OPCML: variants seen among roughly 807,000 people sequenced by gnomAD.
OPCML encodes the protein opioid binding protein/cell adhesion molecule like.
OPCML carries 13 observed loss-of-function variants against 37.8 expected under a neutral mutation model. The ratio of observed to expected loss-of-function variants is 0.34; its 90% CI spans 0.22 to 0.55. OPCML has a LOEUF of 0.55. Among genes scored for constraint, OPCML ranks in the 20% least tolerant of loss-of-function variants. The pLI, the probability that OPCML is intolerant of heterozygous loss-of-function variation, is 0.91. For synonymous variants in OPCML, 176 were observed against 168.8 expected (o/e 1.04, Z -0.33); for missense variants, 341 against 435.6 (o/e 0.78, Z 1.93).
chr11:132,965,604 C>T (rs1219327907), intron 1 of OPCML, among the ~76,000 whole-genome samples: 1 of 152,150 alleles, frequency 6.6e-6, no homozygotes, highest in Non-Finnish European at 1.5e-5. Flanking sequence ...GTGATCTTGG[C>T]TCACTGCAAT....
intron 1 of OPCML, among the ~76,000 whole-genome samples, chr11:133,161,671 CTGTAT>C: frequency 6.6e-6 from 1 of 152,242 alleles, no homozygotes; most frequent in East Asian, 1.9e-4. Context: ...GAAATATATA[CTGTAT>C]TGTAATTTGA....
chr11:132,491,739 A>G (rs1474721445), intron 4 of OPCML, among the ~76,000 whole-genome samples: 3 of 152,244 alleles, frequency 2.0e-5, no homozygotes, highest in African/African-American at 7.2e-5. Flanking sequence ...GCCAAGATAC[A>G]CAAAGGTCCT....
At chr11:133,411,868 A>G (rs557841429) in intron 1 of OPCML, among the ~76,000 whole-genome samples, 1 of 152,252 alleles carries the variant, frequency 6.6e-6, no homozygotes, top group Admixed American at 6.5e-5. Context: ...ACTGAACATC[A>G]TGGATTTGCA....
At chr11:132,865,092 T>C (rs1384917232) in intron 2 of OPCML, among the ~76,000 whole-genome samples, 1 of 152,248 alleles carries the variant, frequency 6.6e-6, no homozygotes, top group Non-Finnish European at 1.5e-5. Context: ...AGGCAGGTCA[T>C]TCTTTTTTCC....
intron 4 of OPCML, among the ~76,000 whole-genome samples, chr11:132,453,704 G>A (rs1029685139): frequency 5.9e-5 from 9 of 152,208 alleles, no homozygotes; most frequent in Non-Finnish European, 1.3e-4. Flanking sequence ...AGCTGGTTGG[G>A]CGTGGGGCTG....
intron 2 of OPCML, among the ~76,000 whole-genome samples, chr11:132,807,951 A>G (rs1280069153): frequency 1.3e-5 from 2 of 152,244 alleles, no homozygotes; most frequent in South Asian, 2.1e-4. Context: ...AGATATTACA[A>G]TGAAAGAAAT....
chr11:133,375,515 A>G (rs1944783308), intron 1 of OPCML, among the ~76,000 whole-genome samples: 2 of 152,202 alleles, frequency 1.3e-5, no homozygotes, highest in Admixed American at 1.3e-4. Context: ...CTTGAGAACT[A>G]AGCTAAGAAA....
At chr11:132,528,165 A>G (rs1269193271) in intron 4 of OPCML, among the ~76,000 whole-genome samples, 1 of 151,042 alleles carries the variant, frequency 6.6e-6, no homozygotes, top group Non-Finnish European at 1.5e-5. Flanking sequence ...TGTTACGGTT[A>G]GGGCTTTTCT....
intron 1 of OPCML, among the ~76,000 whole-genome samples, chr11:133,185,541 A>G (rs1021338164): frequency 4.6e-5 from 7 of 152,224 alleles, no homozygotes; most frequent in African/African-American, 1.4e-4. Context: ...TGAAGAACTT[A>G]GAGAACACTT....
intron 1 of OPCML, among the ~76,000 whole-genome samples, chr11:133,481,923 A>G (rs1947380336): frequency 6.6e-6 from 1 of 152,108 alleles, no homozygotes; most frequent in African/African-American, 2.4e-5. Context: ...TTTCTAGGAG[A>G]TGAGAGAGGA....
intron 1 of OPCML, among the ~76,000 whole-genome samples, chr11:133,315,088 C>T (rs964227613): frequency 6.6e-6 from 1 of 152,098 alleles, no homozygotes; most frequent in African/African-American, 2.4e-5. Flanking sequence ...TTTGCAAATT[C>T]ATTGAATTAG....
At chr11:133,022,938 A>G (rs1947480491) in intron 1 of OPCML, among the ~76,000 whole-genome samples, 2 of 152,202 alleles carry the variant, frequency 1.3e-5, no homozygotes, top group South Asian at 4.1e-4. Context: ...CAATACAGGG[A>G]ATGCTTTTGC....
intron 1 of OPCML, among the ~76,000 whole-genome samples, chr11:133,255,428 A>G (rs1168534086): frequency 6.6e-6 from 1 of 152,074 alleles, no homozygotes; most frequent in Admixed American, 6.6e-5. Flanking sequence ...TTGACCTGAG[A>G]TTGGAAAAAA....
At chr11:132,869,394 T>G (rs1259243646) in intron 2 of OPCML, among the ~76,000 whole-genome samples, 2 of 152,144 alleles carry the variant, frequency 1.3e-5, no homozygotes, top group African/African-American at 4.8e-5. Context: ...AACACATAGC[T>G]TATATAACAG....
chr11:133,156,442 A>G (rs1358220784), intron 1 of OPCML, among the ~76,000 whole-genome samples: 1 of 152,172 alleles, frequency 6.6e-6, no homozygotes, highest in African/African-American at 2.4e-5. Context: ...CTATGTTCCC[A>G]GAATTCCCAG....
intron 1 of OPCML, among the ~76,000 whole-genome samples, chr11:133,400,460 T>C (rs933936195): frequency 6.6e-6 from 1 of 152,206 alleles, no homozygotes; most frequent in African/African-American, 2.4e-5. Context: ...TTTGCATTCC[T>C]ATGGTGTGTT....
chr11:133,061,079 T>C (rs1948333537), intron 1 of OPCML, among the ~76,000 whole-genome samples: 1 of 152,262 alleles, frequency 6.6e-6, no homozygotes, highest in Non-Finnish European at 1.5e-5. Context: ...TTGCTCAGGC[T>C]GGTCTTGAAC....
intron 1 of OPCML, among the ~76,000 whole-genome samples, chr11:133,373,691 G>T (rs901938304): frequency 1.3e-5 from 2 of 151,570 alleles, no homozygotes; most frequent in African/African-American, 4.8e-5. Context: ...ACATCTGAAA[G>T]TACACCCAAA....
chr11:133,478,206 G>A (rs1947285724), intron 1 of OPCML, among the ~76,000 whole-genome samples: 1 of 152,174 alleles, frequency 6.6e-6, no homozygotes, highest in African/African-American at 2.4e-5. Flanking sequence ...GGAATGGCAG[G>A]AGGATGAAAG....
Sources: gnomAD v4.1 joint callset for allele counts (sites outside exome capture counted in the v4.1 genomes callset) on GRCh38, gnomAD v4.1.1 for gene constraint, MANE v1.5 for transcripts, NCBI Gene and HGNC (gene_info 2026-07-23, HGNC 2026-07-21) for gene names.